Variants in MED26 observed in about 807,000 individuals in gnomAD.
MED26 encodes mediator of RNA polymerase II transcription subunit 26.
Under a neutral mutation model 43.7 loss-of-function variants are expected in MED26, and 7 were observed. The ratio of observed to expected loss-of-function variants is 0.16; its 90% CI spans 0.09 to 0.30. The LOEUF (loss-of-function observed/expected upper bound fraction) is 0.30. Ranked by LOEUF, MED26 falls within the 10% of genes least tolerant of loss-of-function variation. The pLI, the probability that MED26 is intolerant of heterozygous loss-of-function variation, is 1.00. For missense variants in MED26, 784 were observed against 840.6 expected (o/e 0.93, Z 0.83); for synonymous variants, 375 against 371.1 (o/e 1.01, Z -0.12).
chr19:16,623,336 G>A (rs912781769), intron 1 of MED26, among the ~76,000 whole-genome samples: 1 of 152,224 alleles, frequency 6.6e-6, no homozygotes, highest in East Asian at 1.9e-4. Flanking sequence ...GGATCAGGTG[G>A]CATTTACATG....
At chr19:16,607,222 T>C (rs572463009) in intron 1 of MED26, among the ~76,000 whole-genome samples, 1 of 151,976 alleles carries the variant, frequency 6.6e-6, no homozygotes, top group South Asian at 2.1e-4. Context: ...AATTAAAAAG[T>C]TAGCCGGGTG....
chr19:16,600,208 T>C (rs1435060657), intron 1 of MED26, among the ~76,000 whole-genome samples: 1 of 150,588 alleles, frequency 6.6e-6, no homozygotes, highest in African/African-American at 2.4e-5. Flanking sequence ...AGCCCCCTCC[T>C]GCTCCGCACA....
chr19:16,598,645 G>A (rs2086133914), intron 1 of MED26, among the ~76,000 whole-genome samples: 1 of 152,126 alleles, frequency 6.6e-6, no homozygotes, highest in Admixed American at 6.6e-5. Context: ...CTGTTCCCCT[G>A]CACACCCTCT....
At chr19:16,585,750 G>A (rs1568281540) in intron 1 of MED26, among the ~76,000 whole-genome samples, 1 of 152,214 alleles carries the variant, frequency 6.6e-6, no homozygotes, top group Non-Finnish European at 1.5e-5. Context: ...ACGACAGGGT[G>A]CGTGGAATCA....
At chr19:16,580,363 G>A (rs2086038595) in intron 1 of MED26, among the ~76,000 whole-genome samples, 2 of 151,774 alleles carry the variant, frequency 1.3e-5, no homozygotes, top group South Asian at 4.2e-4. Context: ...GCAGAGTTCA[G>A]CTCTTATTTT....
At chr19:16,583,634 G>A (rs1368036265) in intron 1 of MED26, among the ~76,000 whole-genome samples, 1 of 152,180 alleles carries the variant, frequency 6.6e-6, no homozygotes. Flanking sequence ...GGCAGGCAGG[G>A]CAGGAAGTTA....
chr19:16,617,552 GA>G (rs2086231907), intron 1 of MED26, among the ~76,000 whole-genome samples: 1 of 152,162 alleles, frequency 6.6e-6, no homozygotes, highest in Admixed American at 6.5e-5. Context: ...AAGACAGGCG[GA>G]CACACAGACA....
chr19:16,576,597 A>G lies in MED26; in HGVS notation c.1233T>C (p.Ala411=). The G allele has an allele frequency of 1.9e-6, 3 of 1,614,188 alleles. No homozygotes were observed. The highest frequency in any genetic ancestry group is 1.7e-6 in the Non-Finnish European group (2 of 1,180,034). ...ACCGGACAGGCTTGACGCCCGCCTC[A>G]GCCACCTGCCCGTCCAAGTTAACCG... ...DYTVNLDGQV[A]EAGVKPVRLK... The change falls in exon 3 of 3, where the codon GCT becomes GCC. Residue 411 remains alanine (A), a synonymous_variant. Coordinates refer to ENST00000263390, the MANE Select transcript of MED26 (RefSeq NM_004831.5). The surrounding 1 kb of genome is among the most constrained non-coding windows in gnomAD (Gnocchi z 6.8).
chr19:16,614,100 G>A (rs537387101), intron 1 of MED26, among the ~76,000 whole-genome samples: 77 of 152,288 alleles, frequency 5.1e-4, no homozygotes, highest in African/African-American at 1.8e-3. Context: ...ACCAGGTGAT[G>A]GCAACACCAG....
chr19:16,628,033 A>T lies in MED26; in HGVS notation c.-90T>A. On this transcript the variant is annotated 5_prime_UTR_variant, in exon 1 of 3. Coordinates refer to ENST00000263390, the MANE Select transcript of MED26 (RefSeq NM_004831.5). ...GGTCACTCACTCGCCGGCCTCCGGG[A>T]GCCGGAGCCGCATGTTCCCCGCGGC... The T allele has an allele frequency of 1.3e-6, 1 of 784,976 alleles. No individual in the cohort carries two copies. The highest frequency in any genetic ancestry group is 3.3e-5 in the South Asian group (1 of 30,690). 48.6% of individuals were successfully genotyped at this position (784,976 alleles called of 1,614,324 possible).
intron 1 of MED26, among the ~76,000 whole-genome samples, chr19:16,627,543 G>A (rs78360126): frequency 0.012 from 1,757 of 152,346 alleles, 32 homozygotes; most frequent in African/African-American, 0.041. Flanking sequence ...GGGTCCCGGA[G>A]GGAGGGCGAG....
Position 16,577,091 on chromosome 19 carries a change from C to T in MED26, c.739G>A (p.Ala247Thr). Reference protein sequence around the residue: ...KPPGPCLQPKASVLQQLDRVD... With the variant: ...KPPGPCLQPKTSVLQQLDRVD... ...CTGTCCAGCTGCTGCAGCACCGAAG[C>T]CTTTGGCTGCAAGCAGGGTCCAGGG... Residue 247 changes from alanine to threonine, a missense_variant, in exon 3 of 3, where the codon GCT (alanine) becomes ACT (threonine). By Grantham distance (58) the Ala-to-Thr change is moderately conservative (BLOSUM62 0). Coordinates refer to ENST00000263390, the MANE Select transcript of MED26 (RefSeq NM_004831.5). The surrounding 1 kb of genome is among the most constrained non-coding windows in gnomAD (Gnocchi z 8.1). 1.2e-6 allele frequency: 2 copies of T among 1,609,984 alleles called. No individual in the cohort carries two copies. Among genetic ancestry groups the T allele is most frequent in the Non-Finnish European group, 1.7e-6 (2 of 1,177,256 alleles).
At chr19:16,597,206 A>G (rs934581948) in intron 1 of MED26, among the ~76,000 whole-genome samples, 1 of 141,324 alleles carries the variant, frequency 7.1e-6, no homozygotes, top group African/African-American at 2.9e-5. Flanking sequence ...AACCTCAGCT[A>G]TCAATCCCAC....
chr19:16,578,730 G>A, intron 1 of MED26: 1 of 328,160 alleles, frequency 3.0e-6, no homozygotes, highest in Non-Finnish European at 5.6e-6. Flanking sequence ...TACTTAAGAT[G>A]ACCTCTACTC....
intron 1 of MED26, among the ~76,000 whole-genome samples, chr19:16,613,007 G>A (rs1461404148): frequency 5.9e-5 from 9 of 152,050 alleles, no homozygotes; most frequent in African/African-American, 1.7e-4. Flanking sequence ...CTGAAAAGTC[G>A]AGAAGGGGCT....
At chr19:16,618,860 G>A (rs1599348773) in intron 1 of MED26, among the ~76,000 whole-genome samples, 1 of 152,232 alleles carries the variant, frequency 6.6e-6, no homozygotes, top group African/African-American at 2.4e-5. Flanking sequence ...AACGTTTGGT[G>A]GGGCTTCCAG....
chr19:16,593,909 C>T (rs554946397), intron 1 of MED26, among the ~76,000 whole-genome samples: 14 of 152,166 alleles, frequency 9.2e-5, no homozygotes, highest in Non-Finnish European at 1.8e-4. Context: ...CAAGGCTCAA[C>T]GTGTTTTGAG....
At chr19:16,593,968 C>T (rs549495063) in intron 1 of MED26, among the ~76,000 whole-genome samples, 1 of 152,308 alleles carries the variant, frequency 6.6e-6, no homozygotes, top group Non-Finnish European at 1.5e-5. Flanking sequence ...TATGACCACA[C>T]AAATTTTCTC....
chr19:16,606,977 A>G (rs1446961343), intron 1 of MED26, among the ~76,000 whole-genome samples: 1 of 151,940 alleles, frequency 6.6e-6, no homozygotes, highest in Non-Finnish European at 1.5e-5. Flanking sequence ...CTTGTCTCAG[A>G]CTCCCAAAGT....
Sources: allele counts gnomAD v4.1 joint callset (sites outside exome capture counted in the v4.1 genomes callset), GRCh38; gene constraint gnomAD v4.1.1; non-coding constraint Gnocchi (gnomAD v3.1); transcripts MANE v1.5; gene names NCBI Gene and HGNC (gene_info 2026-07-23, HGNC 2026-07-21).